The following NEK11 variants were observed in gnomAD, a reference collection of about 807,000 sequenced individuals.
The protein encoded by NEK11 is NIMA related kinase 11.
NEK11 carries 72 observed loss-of-function variants against 80.7 expected under a neutral mutation model. The observed-to-expected ratio is 0.89, with a 90% CI of 0.74 to 1.08. The LOEUF is 1.08. Among genes scored for constraint, NEK11 ranks in the 50% least tolerant of loss-of-function variants. The pLI is 0.00. For missense variants in NEK11, 764 were observed against 763.6 expected, an observed-to-expected ratio of 1.00 and a Z score of -0.01; for synonymous variants, 251 against 260.7, an observed-to-expected ratio of 0.96 and a Z score of 0.36.
Position 131,190,831 on chromosome 3 carries a change from T to C in NEK11, c.1399+19944T>C, listed in dbSNP as rs114760438. Among the ~76,000 whole-genome samples the C allele has an allele frequency of 3.4e-3, 518 of 152,252 alleles. 1 individual carries two copies. The highest frequency in any genetic ancestry group is 0.012 in the African/African-American group (492 of 41,548). On this transcript the variant is annotated intron_variant, in intron 14 of 17. Transcript: ENST00000383366. ...GAAATTATGATTTCAGAACAAAATA[T>C]AATTATTGTAAATATTACAACATTT...
intron 7 of NEK11, among the ~76,000 whole-genome samples, chr3:131,146,770 C>G (rs186278639): frequency 3.9e-5 from 6 of 152,078 alleles, no homozygotes; most frequent in Admixed American, 2.6e-4. Flanking sequence ...TGGTAGTACA[C>G]AGTGGTTGTA....
chr3:131,296,281 T>C (rs539056425), intron 17 of NEK11, among the ~76,000 whole-genome samples: 1 of 152,184 alleles, frequency 6.6e-6, no homozygotes, highest in South Asian at 2.1e-4. Context: ...TAAGAAAATA[T>C]ATGTACACAC....
intron 17 of NEK11, among the ~76,000 whole-genome samples, chr3:131,338,189 TCTC>T (rs1464716860): frequency 1.3e-5 from 2 of 151,680 alleles, no homozygotes; most frequent in African/African-American, 4.8e-5. Context: ...ATGGTCTTGA[TCTC>T]CTGCCCTCGT....
intron 17 of NEK11, among the ~76,000 whole-genome samples, chr3:131,287,201 G>A (rs1332546523): frequency 5.3e-5 from 8 of 152,180 alleles, no homozygotes; most frequent in Non-Finnish European, 5.9e-5. Flanking sequence ...AGAACAAGAG[G>A]TAAGGGTGTA....
intron 14 of NEK11, among the ~76,000 whole-genome samples, chr3:131,205,691 T>A (rs760993384): frequency 6.6e-6 from 1 of 152,154 alleles, no homozygotes; most frequent in Non-Finnish European, 1.5e-5. Flanking sequence ...CTCCAGTACC[T>A]CCCTGTTAAT....
chr3:131,284,542 T>G (rs1047438063), intron 17 of NEK11, among the ~76,000 whole-genome samples: 2 of 152,184 alleles, frequency 1.3e-5, no homozygotes, highest in Admixed American at 6.5e-5. Flanking sequence ...GATTGAAGGA[T>G]GCAAATCCAG....
Position 131,081,424 on chromosome 3 carries a change from G to A in NEK11, c.336+836G>A, listed in dbSNP as rs1044637371. 9.9e-5 allele frequency among the ~76,000 whole-genome samples: 15 copies of A among 152,254 alleles called. 1 individual carries two copies. The highest frequency in any genetic ancestry group is 7.8e-4 in the Admixed American group (12 of 15,294). On this transcript the variant is annotated intron_variant, in intron 4 of 17. Coordinates refer to ENST00000383366, the MANE Select transcript of NEK11 (RefSeq NM_024800.5). ...TCCAACCACTCTGAGTTCTATCCAA[G>A]TAATAGCTGTGTATTTTACTGAGCC... is the stretch of plus-strand genomic sequence containing the variant.
At chr3:131,234,938 G>A (rs1353544989) in intron 15 of NEK11, among the ~76,000 whole-genome samples, 1 of 151,884 alleles carries the variant, frequency 6.6e-6, no homozygotes, top group Non-Finnish European at 1.5e-5. Context: ...TCCATTATAG[G>A]GTTTAGGATC....
At chr3:131,186,061 A>T in intron 14 of NEK11, among the ~76,000 whole-genome samples, 1 of 152,200 alleles carries the variant, frequency 6.6e-6, no homozygotes, top group Admixed American at 6.5e-5. Context: ...AACAGAAAGT[A>T]CACAGCAATT....
chr3:131,315,997 CATAA>C (rs1468301243), intron 17 of NEK11, among the ~76,000 whole-genome samples: 1 of 151,978 alleles, frequency 6.6e-6, no homozygotes, highest in Non-Finnish European at 1.5e-5. Context: ...AGTACAAAGG[CATAA>C]ATATTTTTAT....
chr3:131,307,859 A>G (rs2096738145), intron 17 of NEK11, among the ~76,000 whole-genome samples: 1 of 152,218 alleles, frequency 6.6e-6, no homozygotes, highest in Non-Finnish European at 1.5e-5. Context: ...CTGTTCTATA[A>G]TGAACTAAAC....
At chr3:131,104,548 A>T (rs2078887670) in intron 4 of NEK11, among the ~76,000 whole-genome samples, 2 of 152,044 alleles carry the variant, frequency 1.3e-5, no homozygotes, top group South Asian at 4.1e-4. Flanking sequence ...CAGAGGAAAG[A>T]AGAGCGATGA....
chr3:131,204,258 C>G (rs1236020798), intron 14 of NEK11, among the ~76,000 whole-genome samples: 1 of 150,996 alleles, frequency 6.6e-6, no homozygotes, highest in Non-Finnish European at 1.5e-5. Flanking sequence ...CATGCCTTAC[C>G]CTATGCATTT....
chr3:131,165,365 T>A, intron 11 of NEK11, 61 bp from the exon 12 acceptor site: 1 of 1,037,186 alleles, frequency 9.6e-7, no homozygotes, highest in Non-Finnish European at 1.5e-6. Flanking sequence ...CTCATCTGTA[T>A]AATATAGACA....
intron 16 of NEK11, among the ~76,000 whole-genome samples, chr3:131,256,897 C>T (rs1402501626): frequency 1.3e-5 from 2 of 152,096 alleles, no homozygotes; most frequent in Non-Finnish European, 2.9e-5. Flanking sequence ...TTAGACTGAC[C>T]AATATTGCTG....
intron 3 of NEK11, among the ~76,000 whole-genome samples, chr3:131,075,697 G>A (rs2074235592): frequency 6.6e-6 from 1 of 152,148 alleles, no homozygotes; most frequent in African/African-American, 2.4e-5. Flanking sequence ...GAACCCAAAT[G>A]AGCCAGACCT....
intron 14 of NEK11, among the ~76,000 whole-genome samples, chr3:131,219,739 A>G (rs917890956): frequency 2.0e-5 from 3 of 152,138 alleles, no homozygotes; most frequent in Non-Finnish European, 4.4e-5. Context: ...TCTATTGTTT[A>G]AATCACCCAA....
At chr3:131,297,703 AT>A (rs1355416016) in intron 17 of NEK11, among the ~76,000 whole-genome samples, 2 of 151,304 alleles carry the variant, frequency 1.3e-5, no homozygotes, top group African/African-American at 2.4e-5. Context: ...TTTTGTTGCC[AT>A]TGCTTTTGGT....
chr3:131,116,181 T>C (rs1041667482), intron 5 of NEK11, among the ~76,000 whole-genome samples: 4 of 151,678 alleles, frequency 2.6e-5, no homozygotes, highest in Non-Finnish European at 1.5e-5. Flanking sequence ...TGTGTCCAAG[T>C]GTTCTCATTG....
Sources: allele counts gnomAD v4.1 joint callset (sites outside exome capture counted in the v4.1 genomes callset), GRCh38; gene constraint gnomAD v4.1.1; transcripts MANE v1.5; gene names NCBI Gene and HGNC (gene_info 2026-07-23, HGNC 2026-07-21).